The following ATP6V0A1 variants were observed in gnomAD, a reference collection of about 807,000 sequenced individuals.
ATP6V0A1 encodes the protein V-type proton ATPase 116 kDa subunit a 1.
In ATP6V0A1, 43 loss-of-function variants were observed where a neutral mutation model predicts 105.4. The observed-to-expected ratio is 0.41, with a 90% CI of 0.32 to 0.53. The LOEUF (loss-of-function observed/expected upper bound fraction) is 0.53, where lower values mean the gene tolerates loss of function less well. Ranked by LOEUF, ATP6V0A1 falls within the 20% of genes least tolerant of loss-of-function variation. The pLI is 0.30. For synonymous variants in ATP6V0A1, 362 were observed against 372.8 expected (o/e 0.97, Z 0.33); for missense variants, 676 against 1,051.1 (o/e 0.64, Z 4.93).
rs187114251 is a variant in ATP6V0A1, at chr17:42,470,278, C to T, written c.423+60C>T. Reference sequence around the variant, plus strand: ...TGATATTATACTCACACAAGTGGGCCATATTTTTATTCCAGTAATTATTTT... The same window carrying T: ...TGATATTATACTCACACAAGTGGGCTATATTTTTATTCCAGTAATTATTTT... On this transcript the variant is annotated intron_variant, in intron 5 of 21. Transcript: ENST00000343619. 8.0e-4 allele frequency: 1,254 copies of T among 1,571,908 alleles called. 2 individuals carry two copies. Among genetic ancestry groups the T allele is most frequent in the Non-Finnish European group, 8.4e-4 (965 of 1,151,484 alleles).
Position 42,520,450 on chromosome 17 carries a change from T to G in ATP6V0A1, c.2421-577T>G, listed in dbSNP as rs950487245. On this transcript the variant is annotated intron_variant, in intron 21 of 21. Coordinates refer to ENST00000343619, the MANE Select transcript of ATP6V0A1 (RefSeq NM_001130021.3). The stretch of plus-strand genomic sequence containing the variant: ...TTCTTTTTAGTCCCCAAGAGAAGAA[T>G]TCTTTCTCAGATGTTTTTGTGGTTG... 1.1e-5 allele frequency: 5 copies of G among 456,642 alleles called. No individual in the cohort carries two copies. The Admixed American group carries it at 1.2e-4, about 11-fold the overall frequency. The allele number at this position is 456,642 out of a possible 1,614,324, so 28.3% of individuals were successfully genotyped here.
At chr17:42,513,508 G>A (rs139631562) in intron 19 of ATP6V0A1, 145 of 199,258 alleles carry the variant, frequency 7.3e-4, no homozygotes, top group Middle Eastern at 6.3e-3. Flanking sequence ...ACAGAGTGCC[G>A]TCAACTCAGC....
intron 7 of ATP6V0A1, 158 bp from the exon 8 acceptor site, chr17:42,480,509 A>C: frequency 3.4e-6 from 2 of 580,874 alleles, no homozygotes; most frequent in Non-Finnish European, 5.9e-6. Flanking sequence ...CTTGTAGTGA[A>C]GCTTAGGAAA....
chr17:42,477,341 T>C (rs1179720897), intron 5 of ATP6V0A1, among the ~76,000 whole-genome samples: 1 of 152,198 alleles, frequency 6.6e-6, no homozygotes, highest in Non-Finnish European at 1.5e-5. Flanking sequence ...GGAGAGAAAA[T>C]GGCTTCCACC....
chr17:42,494,868 A>G, intron 12 of ATP6V0A1, 166 bp from the exon 13 acceptor site: 1 of 671,300 alleles, frequency 1.5e-6, no homozygotes, highest in Middle Eastern at 2.6e-4. Context: ...CATCCTGTGA[A>G]AGTGACTGTC....
At chr17:42,480,603 T>C in intron 7 of ATP6V0A1, 64 bp from the exon 8 acceptor site, 1 of 1,511,796 alleles carries the variant, frequency 6.6e-7, no homozygotes, top group South Asian at 1.3e-5. Flanking sequence ...AAAAGTGGGT[T>C]ATTTAAGAGA....
At chr17:42,463,843 G>A (rs1295966860) in intron 2 of ATP6V0A1, among the ~76,000 whole-genome samples, 1 of 152,136 alleles carries the variant, frequency 6.6e-6, no homozygotes, top group African/African-American at 2.4e-5. Context: ...TATTTTGTAT[G>A]TTATATGTAT....
chr17:42,506,298 A>T (rs1009990831), intron 17 of ATP6V0A1, among the ~76,000 whole-genome samples: 24 of 152,212 alleles, frequency 1.6e-4, no homozygotes, highest in African/African-American at 5.8e-4. Flanking sequence ...AGTATTTGAG[A>T]ATTTCTATTT....
At chr17:42,503,909 C>T (rs946624390) in intron 17 of ATP6V0A1, among the ~76,000 whole-genome samples, 1 of 152,214 alleles carries the variant, frequency 6.6e-6, no homozygotes, top group African/African-American at 2.4e-5. Flanking sequence ...AGACATTTAA[C>T]AAACCTTTAG....
intron 12 of ATP6V0A1, chr17:42,494,698 A>G (rs1408001614): frequency 5.4e-6 from 3 of 556,082 alleles, no homozygotes; most frequent in Admixed American, 6.8e-5. Flanking sequence ...ACTTGAGCCC[A>G]GGAATTCGAG....
intron 9 of ATP6V0A1, among the ~76,000 whole-genome samples, chr17:42,485,428 A>C (rs964111966): frequency 1.3e-5 from 2 of 152,232 alleles, no homozygotes; most frequent in Non-Finnish European, 2.9e-5. Flanking sequence ...TGAAAGTTTA[A>C]AAAGGGATTG....
chr17:42,488,472 ATTTT>A (rs1395934186), intron 10 of ATP6V0A1, among the ~76,000 whole-genome samples: 1 of 152,042 alleles, frequency 6.6e-6, no homozygotes, highest in Non-Finnish European at 1.5e-5. Context: ...GGTTTTTTAC[ATTTT>A]TAATTTTGTG....
chr17:42,511,015 T>C (rs1272551789), intron 19 of ATP6V0A1: 1 of 152,186 alleles, frequency 6.6e-6, no homozygotes, highest in East Asian at 1.9e-4. Context: ...GGAGATGGAA[T>C]AGAAGTTGAT....
intron 21 of ATP6V0A1, among the ~76,000 whole-genome samples, chr17:42,515,079 G>A (rs763391181): frequency 3.1e-4 from 47 of 152,246 alleles, no homozygotes; most frequent in Admixed American, 2.6e-4. Flanking sequence ...GCTGTGTGTG[G>A]AGAGAGCATG....
chr17:42,491,177 T>C (rs980114618), intron 11 of ATP6V0A1, among the ~76,000 whole-genome samples: 3 of 152,208 alleles, frequency 2.0e-5, no homozygotes, highest in African/African-American at 7.2e-5. Flanking sequence ...CCCAAAGTGC[T>C]GGGATTACAG....
At chr17:42,490,928 C>G (rs934316985) in intron 11 of ATP6V0A1, among the ~76,000 whole-genome samples, 1 of 152,098 alleles carries the variant, frequency 6.6e-6, no homozygotes, top group African/African-American at 2.4e-5. Context: ...GGTGAAATCA[C>G]GGCTTACAGC....
intron 11 of ATP6V0A1, 112 bp downstream of exon 11, chr17:42,490,749 C>A: frequency 8.3e-7 from 1 of 1,204,904 alleles, no homozygotes; most frequent in Non-Finnish European, 1.2e-6. Flanking sequence ...AGTGCAGCAG[C>A]ACGACTGTAG....
At chr17:42,503,771 A>G (rs985050653) in intron 17 of ATP6V0A1, among the ~76,000 whole-genome samples, 4 of 152,186 alleles carry the variant, frequency 2.6e-5, no homozygotes, top group African/African-American at 9.7e-5. Context: ...AAAATTTCTT[A>G]TGGTCATCCT....
chr17:42,509,394 C>A (rs1230819564), intron 19 of ATP6V0A1, among the ~76,000 whole-genome samples: 1 of 152,206 alleles, frequency 6.6e-6, no homozygotes, highest in African/African-American at 2.4e-5. Flanking sequence ...CAGCACTTCT[C>A]TCTAAAATGC....
Sources: allele counts gnomAD v4.1 joint callset (sites outside exome capture counted in the v4.1 genomes callset), GRCh38; gene constraint gnomAD v4.1.1; transcripts MANE v1.5; gene names NCBI Gene and HGNC (gene_info 2026-07-23, HGNC 2026-07-21).